Variants in MAB21L4 observed in about 807,000 individuals in gnomAD.
The protein encoded by MAB21L4 is protein mab-21-like 4.
Under a neutral mutation model 32.4 loss-of-function variants are expected in MAB21L4, and 25 were observed. That is an observed-to-expected ratio of 0.77 (90% confidence interval 0.56 to 1.08). MAB21L4 has a LOEUF of 1.08. Ranked by LOEUF, MAB21L4 falls within the 50% of genes least tolerant of loss-of-function variation. The probability of loss-of-function intolerance (pLI) is 0.00; values close to 1 mark genes in which losing one functional copy is unlikely to be tolerated. For missense variants in MAB21L4, 638 were observed against 611.0 expected, an observed-to-expected ratio of 1.04 and a Z score of -0.47; for synonymous variants, 280 against 276.8, an observed-to-expected ratio of 1.01 and a Z score of -0.11.
chr2:240,886,956 AC>A lies in MAB21L4; in HGVS notation c.*113del, dbSNP rs2059100139. On this transcript the variant is annotated 3_prime_UTR_variant, in exon 5 of 5. Coordinates refer to ENST00000388934, the MANE Select transcript of MAB21L4 (RefSeq NM_001085437.3). Reference sequence around the variant, plus strand: ...CTGCTGGGGACAAAATCCCTCCACTACCCCCTCAAGGAGAAGCCCGTTTCTT... The same window carrying A: ...CTGCTGGGGACAAAATCCCTCCACTACCCCTCAAGGAGAAGCCCGTTTCTT... 1.3e-6 allele frequency: 1 copy of A among 774,968 alleles called. No individual in the cohort carries two copies. Among genetic ancestry groups the A allele is most frequent in the Non-Finnish European group, 2.1e-6 (1 of 467,310 alleles). 48.0% of individuals were successfully genotyped at this position (774,968 alleles called of 1,614,324 possible).
chr2:240,893,805 C>T (rs1288212700), intron 1 of MAB21L4, among the ~76,000 whole-genome samples: 1 of 151,862 alleles, frequency 6.6e-6, no homozygotes, highest in African/African-American at 2.4e-5. Flanking sequence ...CTGGCACGGC[C>T]TCCTGCTCAC....
chr2:240,888,042 C>T (rs2059110726), intron 4 of MAB21L4, among the ~76,000 whole-genome samples: 1 of 152,194 alleles, frequency 6.6e-6, no homozygotes. Flanking sequence ...GAAGCAGGGT[C>T]AGACCCACTG....
In MAB21L4 at chr2:240,896,058, T is replaced by C. The variant is rs901662300; in HGVS notation, c.-61A>G. The C allele has an allele frequency of 5.0e-6, 7 of 1,401,290 alleles. No homozygotes were observed. The highest frequency in any genetic ancestry group is 3.2e-5 in the Admixed American group (1 of 30,892). 86.8% of individuals were successfully genotyped at this position (1,401,290 alleles called of 1,614,324 possible). A position where few individuals can be genotyped will look rare whatever the true frequency, so the allele number is the denominator to read the frequency against. ...TGAGGAGGACTCCGCAGGCCAGCTG[T>C]GCAGATGGGCTGTGAGGAGGCACCT... On this transcript the variant is annotated 5_prime_UTR_variant, in exon 1 of 5. Coordinates refer to ENST00000388934, the MANE Select transcript of MAB21L4 (RefSeq NM_001085437.3).
At chr2:240,887,314 G>C in intron 4 of MAB21L4, 152 bp from the exon 5 acceptor site, 1 of 646,288 alleles carries the variant, frequency 1.5e-6, no homozygotes. Flanking sequence ...AGGCATCCTA[G>C]AGGCGGAGCG....
rs2059184921 is a variant in MAB21L4, at chr2:240,896,005, A to G, written c.-8T>C. On this transcript the variant is annotated 5_prime_UTR_variant, in exon 1 of 5. Transcript: ENST00000388934. ...GAGAGCAGGGGCAGGCATCCCTTCA[A>G]CAGTGGCAGGTGAGGGCCAGTGGCC... The G allele has an allele frequency of 1.4e-6, 2 of 1,437,306 alleles. No homozygotes were observed. The highest frequency in any genetic ancestry group is 1.8e-6 in the Non-Finnish European group (2 of 1,100,058). 89.0% of individuals were successfully genotyped at this position (1,437,306 alleles called of 1,614,324 possible). A position where few individuals can be genotyped will look rare whatever the true frequency, so the allele number is the denominator to read the frequency against.
At chr2:240,892,080 AC>A (rs2059155626) in intron 1 of MAB21L4, 2 of 1,436,156 alleles carry the variant, frequency 1.4e-6, no homozygotes, top group African/African-American at 2.9e-5. Flanking sequence ...GCCAGGCACC[AC>A]CCTCACCCCA....
In MAB21L4 at chr2:240,888,151, C is replaced by T. The variant is rs140456508; in HGVS notation, c.1251+141G>A. The stretch of plus-strand genomic sequence containing the variant: ...CAGACATCACATGTCCCCGCAGACG[C>T]TCTCCATCCGAGCCCTGACCTGGCC... On this transcript the variant is annotated intron_variant, in intron 4 of 4. Transcript: ENST00000388934. 3,977 of 680,312 alleles carry T rather than the reference C, an allele frequency of 5.8e-3. 122 individuals are homozygous for T. In the African/African-American group the frequency reaches 0.068, roughly 12 times the overall value. The allele number at this position is 680,312 out of a possible 1,614,324, so 42.1% of individuals were successfully genotyped here. A position where few individuals can be genotyped will look rare whatever the true frequency, so the allele number is the denominator to read the frequency against.
In MAB21L4 at chr2:240,891,636, C is replaced by A. The variant is rs1465362969; in HGVS notation, c.642G>T (p.Leu214=). 1.2e-6 allele frequency: 2 copies of A among 1,609,236 alleles called. No homozygotes were observed. The highest frequency in any genetic ancestry group is 1.7e-6 in the Non-Finnish European group (2 of 1,179,968). ...ATCCGGGCATCTGCTGCACCCCCTC[C>A]AGGGCAGGCGCCCCAAGCTTCCTTC... ...VVRRKLGAPA[L]EGVQQMPGFP... The change falls in exon 2 of 5, where the codon CTG becomes CTT. Residue 214 remains leucine (L), a synonymous_variant. Transcript: ENST00000388934.
chr2:240,892,323 C>A (rs2059157350), intron 1 of MAB21L4, among the ~76,000 whole-genome samples: 1 of 152,124 alleles, frequency 6.6e-6, no homozygotes, highest in African/African-American at 2.4e-5. Context: ...CCTTTCCTCC[C>A]CAGAACTCAC....
Position 240,888,304 on chromosome 2 carries a change from G to A in MAB21L4, c.1239C>T (p.Val413=). 1 of 1,566,956 alleles carries A rather than the reference G, an allele frequency of 6.4e-7. No homozygotes were observed. The highest frequency in any genetic ancestry group is 8.6e-7 in the Non-Finnish European group (1 of 1,161,130). ...PTYWATAYFD[V]LLDKFQVFNI... is the part of the protein sequence containing the mutation. Reference sequence around the variant, plus strand: ...AGCCAGCACCCACCTTGTCCAGCAGGACGTCGAAGTAGGCAGTGGCCCAGT... The same window carrying A: ...AGCCAGCACCCACCTTGTCCAGCAGAACGTCGAAGTAGGCAGTGGCCCAGT... Residue 413 remains valine, a synonymous_variant, in exon 4 of 5, where the codon GTC becomes GTT. Coordinates refer to ENST00000388934, the MANE Select transcript of MAB21L4 (RefSeq NM_001085437.3).
intron 2 of MAB21L4, among the ~76,000 whole-genome samples, chr2:240,890,420 C>T (rs1315850171): frequency 1.3e-5 from 2 of 152,118 alleles, no homozygotes; most frequent in East Asian, 3.9e-4. Context: ...TTTGTGTAGA[C>T]AGGAAGGTGC....
rs907229435 is a variant in MAB21L4 at position 240,886,889 on chromosome 2, C to G, written c.*181G>C. 4 of 562,276 alleles carry G rather than the reference C, an allele frequency of 7.1e-6. No homozygotes were observed. The highest frequency in any genetic ancestry group is 2.4e-5 in the South Asian group (1 of 41,564). 34.8% of individuals were successfully genotyped at this position (562,276 alleles called of 1,614,324 possible). ...CCCAGGGAGGAGGTGCTCCAAGAGG[C>G]CTGCCCTGCCCCACCAGGCACTGAA... On this transcript the variant is annotated 3_prime_UTR_variant, in exon 5 of 5. Coordinates refer to ENST00000388934, the MANE Select transcript of MAB21L4 (RefSeq NM_001085437.3).
chr2:240,889,913 C>T (rs1209180692), intron 3 of MAB21L4, 92 bp downstream of exon 3: 1 of 1,432,472 alleles, frequency 7.0e-7, no homozygotes, highest in African/African-American at 1.4e-5. Context: ...TAGCAGCTGC[C>T]TGCCAGTCAG....
At chr2:240,892,248 C>T (rs1284285299) in intron 1 of MAB21L4, among the ~76,000 whole-genome samples, 1 of 152,176 alleles carries the variant, frequency 6.6e-6, no homozygotes, top group East Asian at 1.9e-4. Context: ...GAGGAGGCAG[C>T]AGCAGTCCAG....
chr2:240,888,572 A>G lies in MAB21L4; in HGVS notation c.971T>C (p.Leu324Pro). The G allele has an allele frequency of 6.2e-7, 1 of 1,608,572 alleles. No individual in the cohort carries two copies. The highest frequency in any genetic ancestry group is 8.5e-7 in the Non-Finnish European group (1 of 1,178,816). Residue 324 changes from leucine (L) to proline (P), a missense_variant, in exon 4 of 5, where the codon CTG (leucine) becomes CCG (proline). Coordinates refer to ENST00000388934, the MANE Select transcript of MAB21L4 (RefSeq NM_001085437.3). ...WAELQGAVYRLLVVLLCCLAT... is the reference protein window; with the variant it reads ...WAELQGAVYRPLVVLLCCLAT... ...CAGGCAACAGAGCAGCACCACCAGCAGGCGGTACACGGCGCCCTGCAGTTC... is the reference window on the plus strand; with the variant it reads ...CAGGCAACAGAGCAGCACCACCAGCGGGCGGTACACGGCGCCCTGCAGTTC...
intron 4 of MAB21L4, 142 bp downstream of exon 4, chr2:240,888,150 G>A (rs766589535): frequency 9.7e-5 from 65 of 668,206 alleles, no homozygotes; most frequent in Non-Finnish European, 1.4e-4. Flanking sequence ...CCCCGCAGAC[G>A]CTCTCCATCC....
rs754110177 is a variant in MAB21L4 at position 240,888,567 on chromosome 2, C to T, written c.976G>A (p.Val326Met). The stretch of plus-strand genomic sequence containing the variant: ...GTGGCCAGGCAACAGAGCAGCACCA[C>T]CAGCAGGCGGTACACGGCGCCCTGC... ...ELQGAVYRLLVVLLCCLATRK... is the reference protein window; with the variant it reads ...ELQGAVYRLLMVLLCCLATRK... The change falls in exon 4 of 5, where the codon GTG becomes ATG. Residue 326 changes from valine (V) to methionine (M), a missense_variant. Physicochemically the swap from Val to Met is conservative, Grantham distance 21. Coordinates refer to ENST00000388934, the MANE Select transcript of MAB21L4 (RefSeq NM_001085437.3). 1 of 1,608,552 alleles carries T rather than the reference C, an allele frequency of 6.2e-7. No homozygotes were observed. The highest frequency in any genetic ancestry group is 1.7e-5 in the Admixed American group (1 of 59,894).
rs80354597 is a variant in MAB21L4, at chr2:240,889,810, G to A, written c.894+195C>T. 4.6e-3 allele frequency among the ~76,000 whole-genome samples: 705 copies of A among 152,314 alleles called. 31 individuals are homozygous for A. The East Asian group carries it at 0.11, about 23-fold the overall frequency. On this transcript the variant is annotated intron_variant, in intron 3 of 4. Transcript: ENST00000388934. ...CAGCCTGCGGCACCACGGCACCCGC[G>A]GCCACATTCCCTTGACCCTCAGGAG...
In MAB21L4 at chr2:240,895,572, G is replaced by A. The variant is rs1406838777; in HGVS notation, c.426C>T (p.His142=). 3.1e-6 allele frequency: 5 copies of A among 1,612,168 alleles called. No individual in the cohort carries two copies. The African/African-American group carries it at 5.3e-5, about 17-fold the overall frequency. ...SSEGDAKCRG[H]IVPSKVLCVL... ...CACACAGGACCTTGCTGGGCACAAT[G>A]TGTCCACGGCACTTGGCGTCACCCT... Residue 142 remains histidine, a synonymous_variant, in exon 1 of 5, where the codon CAC becomes CAT. Transcript: ENST00000388934.
Sources: allele counts gnomAD v4.1 joint callset (sites outside exome capture counted in the v4.1 genomes callset), GRCh38; gene constraint gnomAD v4.1.1; transcripts MANE v1.5; gene names NCBI Gene and HGNC (gene_info 2026-07-23, HGNC 2026-07-21).